SNTG2: variants seen among roughly 807,000 people sequenced by gnomAD.
SNTG2 encodes the protein gamma-2-syntrophin.
In SNTG2, 74 loss-of-function variants were observed where a neutral mutation model predicts 70.9. The ratio of observed to expected loss-of-function variants is 1.04; its 90% CI spans 0.86 to 1.27. The LOEUF is 1.27. Ranked by LOEUF, SNTG2 falls within the 50% of genes most tolerant of loss-of-function variation. The pLI is 0.00. For missense variants in SNTG2, 717 were observed against 690.7 expected, an observed-to-expected ratio of 1.04 and a Z score of -0.43; for synonymous variants, 278 against 273.8, an observed-to-expected ratio of 1.02 and a Z score of -0.15.
At position 1,064,655 on chromosome 2, in the gene SNTG2, G is replaced by A. The variant is rs571330412; in HGVS notation, c.73-18863G>A. Among the ~76,000 whole-genome samples the A allele has an allele frequency of 1.5e-4, 23 of 152,140 alleles. No homozygotes were observed. The South Asian group carries it at 4.8e-3, about 32-fold the overall frequency. ...GCTTTTATTCTCAGCTAGAGAAACT[G>A]TTAGGAAATTTTAAGAATCTACATG... On this transcript the variant is annotated intron_variant, in intron 1 of 16. Transcript: ENST00000308624.
At chr2:1,354,912 C>T (rs576047730) in intron 16 of SNTG2, among the ~76,000 whole-genome samples, 4 of 152,310 alleles carry the variant, frequency 2.6e-5, no homozygotes, top group East Asian at 1.9e-4. Flanking sequence ...TCACAGGCAA[C>T]GGGGTCTAAG....
chr2:1,092,223 A>G (rs1665074981), intron 2 of SNTG2, among the ~76,000 whole-genome samples: 1 of 151,396 alleles, frequency 6.6e-6, no homozygotes, highest in African/African-American at 2.4e-5. Flanking sequence ...TAATTTTTAA[A>G]ATTTAACTTT....
At chr2:1,110,948 G>T (rs568573394) in intron 4 of SNTG2, among the ~76,000 whole-genome samples, 1 of 152,156 alleles carries the variant, frequency 6.6e-6, no homozygotes, top group Admixed American at 6.5e-5. Flanking sequence ...CTCACCTGGC[G>T]GTGGGTGGAT....
At chr2:1,258,000 G>A (rs115429501) in intron 12 of SNTG2, among the ~76,000 whole-genome samples, 2,558 of 152,184 alleles carry the variant, frequency 0.017, 61 homozygotes, top group African/African-American at 0.058. Flanking sequence ...AAGCAGCATT[G>A]TCCTAACTGG....
intron 1 of SNTG2, among the ~76,000 whole-genome samples, chr2:1,042,518 C>A (rs967675927): frequency 6.6e-6 from 1 of 152,122 alleles, no homozygotes; most frequent in African/African-American, 2.4e-5. Context: ...TCTTACCTTT[C>A]TCATACTCTC....
intron 9 of SNTG2, among the ~76,000 whole-genome samples, chr2:1,233,914 G>A (rs1676434764): frequency 6.6e-6 from 1 of 151,404 alleles, no homozygotes; most frequent in Non-Finnish European, 1.5e-5. Context: ...GGACCCCGGG[G>A]TGCCAAGCGC....
intron 4 of SNTG2, among the ~76,000 whole-genome samples, chr2:1,117,032 AGTGCCCTGGTGTGTGG>A (rs1158666692): frequency 4.4e-4 from 20 of 45,856 alleles, no homozygotes; most frequent in African/African-American, 1.9e-3. Context: ...CTGGTGTGTG[AGTGCCCTGGTGTGTGG>A]GTGCTCTGGT....
At chr2:963,231 A>G (rs563381503) in intron 1 of SNTG2, among the ~76,000 whole-genome samples, 92 of 152,310 alleles carry the variant, frequency 6.0e-4, no homozygotes, top group African/African-American at 2.1e-3. Context: ...CAAAATAGGT[A>G]CTTTTGAAAA....
chr2:1,205,191 G>A (rs910439975), intron 8 of SNTG2, among the ~76,000 whole-genome samples: 3 of 152,140 alleles, frequency 2.0e-5, no homozygotes, highest in African/African-American at 7.2e-5. Flanking sequence ...CCTTGAGGAG[G>A]CAAAAATGCT....
At chr2:964,185 C>G (rs919833944) in intron 1 of SNTG2, among the ~76,000 whole-genome samples, 4 of 152,158 alleles carry the variant, frequency 2.6e-5, no homozygotes, top group African/African-American at 9.7e-5. Context: ...CTCACACATG[C>G]CTAACTTTTT....
At chr2:969,338 G>A (rs1353630415) in intron 1 of SNTG2, among the ~76,000 whole-genome samples, 1 of 151,878 alleles carries the variant, frequency 6.6e-6, no homozygotes, top group Non-Finnish European at 1.5e-5. Flanking sequence ...GATTGCTTTG[G>A]CTATTCAAGC....
At chr2:1,051,208 CCCTT>C (rs1177016738) in intron 1 of SNTG2, among the ~76,000 whole-genome samples, 2 of 122,178 alleles carry the variant, frequency 1.6e-5, no homozygotes, top group African/African-American at 6.6e-5. Flanking sequence ...CTCCCTTCCT[CCCTT>C]CCTTCCTGTT....
chr2:964,918 T>C (rs1188722614), intron 1 of SNTG2, among the ~76,000 whole-genome samples: 1 of 152,102 alleles, frequency 6.6e-6, no homozygotes, highest in Non-Finnish European at 1.5e-5. Flanking sequence ...CAGCCCCCTC[T>C]GTCCTGTTGG....
intron 6 of SNTG2, among the ~76,000 whole-genome samples, chr2:1,142,760 A>G (rs181912052): frequency 3.9e-5 from 6 of 152,318 alleles, no homozygotes; most frequent in Admixed American, 3.3e-4. Flanking sequence ...CAGTCATTCA[A>G]TCCAGAATCT....
chr2:1,221,334 TCTGTTGCTGTCTCTGC>T (rs1674774858), intron 9 of SNTG2, among the ~76,000 whole-genome samples: 2 of 50,142 alleles, frequency 4.0e-5, no homozygotes, highest in African/African-American at 8.4e-5. Flanking sequence ...TCTCTGTCTC[TCTGTTGCTGTCTCTGC>T]CTCTGTCTCT....
intron 9 of SNTG2, among the ~76,000 whole-genome samples, chr2:1,225,871 C>G (rs530036362): frequency 6.6e-5 from 10 of 152,276 alleles, no homozygotes; most frequent in South Asian, 2.1e-4. Flanking sequence ...GTGTGTGCAG[C>G]TTAGCACACC....
chr2:1,250,422 CCTCT>C (rs1224394820), intron 12 of SNTG2, among the ~76,000 whole-genome samples: 3 of 151,818 alleles, frequency 2.0e-5, no homozygotes, highest in Non-Finnish European at 2.9e-5. Flanking sequence ...TCTTTCTATC[CCTCT>C]CTCTTTCTCC....
chr2:1,125,474 T>C (rs1388306048), intron 4 of SNTG2, among the ~76,000 whole-genome samples: 1 of 152,186 alleles, frequency 6.6e-6, no homozygotes, highest in East Asian at 1.9e-4. Context: ...TTTTTATTTG[T>C]ATCCTTAGGT....
intron 1 of SNTG2, among the ~76,000 whole-genome samples, chr2:1,050,623 A>C (rs571711512): frequency 6.6e-6 from 1 of 152,100 alleles, no homozygotes; most frequent in Non-Finnish European, 1.5e-5. Context: ...TTCTTCCAGG[A>C]TTTCCTTGAC....
Sources: gnomAD v4.1 joint callset for allele counts (sites outside exome capture counted in the v4.1 genomes callset) on GRCh38, gnomAD v4.1.1 for gene constraint, MANE v1.5 for transcripts, NCBI Gene and HGNC (gene_info 2026-07-23, HGNC 2026-07-21) for gene names.